Variants in FGF11 observed in about 807,000 individuals in gnomAD.
The protein encoded by FGF11 is fibroblast growth factor homologous factor 3.
In FGF11, 25 loss-of-function variants were observed where a neutral mutation model predicts 25.1. The ratio of observed to expected loss-of-function variants is 1.00; its 90% confidence interval spans 0.73 to 1.39. The LOEUF is 1.39. Among genes scored for constraint, FGF11 ranks in the 40% most tolerant of loss-of-function variants. FGF11 has a pLI of 0.00. For missense variants in FGF11, 320 were observed against 311.0 expected, an observed-to-expected ratio of 1.03 and a Z score of -0.22; for synonymous variants, 130 against 128.9, an observed-to-expected ratio of 1.01 and a Z score of -0.06.
rs1908506191 is a variant in FGF11, at chr17:7,444,674, G to A, written c.*1528G>A. ...GCTAGGGGCAGCCTGGAAAAGATGG[G>A]GAACCTGCTAGTGAACTAGGAGGGA... is the stretch of plus-strand genomic sequence containing the variant. On this transcript the variant is annotated 3_prime_UTR_variant, in exon 5 of 5. Coordinates refer to ENST00000293829, the MANE Select transcript of FGF11 (RefSeq NM_004112.4). The A allele has an allele frequency of 1.1e-5, 2 of 190,214 alleles. No homozygotes were observed. The highest frequency in any genetic ancestry group is 1.1e-4 in the Admixed American group (2 of 18,660). The allele number at this position is 190,214 out of a possible 1,614,324, so 11.8% of individuals were successfully genotyped here.
At chr17:7,442,883 A>T (rs1908399108) in intron 4 of FGF11, 91 bp downstream of exon 4, 1 of 1,386,182 alleles carries the variant, frequency 7.2e-7, no homozygotes, top group East Asian at 2.3e-5. Context: ...GCTACAAGTG[A>T]TAAGAGGACC....
At chr17:7,442,954 G>C in intron 4 of FGF11, 122 bp from the exon 5 acceptor site, 1 of 1,144,720 alleles carries the variant, frequency 8.7e-7, no homozygotes. Flanking sequence ...CGGTCCTCCT[G>C]TGGGGTTGGG....
intron 2 of FGF11, 37 bp from the exon 3 acceptor site, chr17:7,441,739 A>C: frequency 6.4e-7 from 1 of 1,570,122 alleles, no homozygotes; most frequent in Non-Finnish European, 8.7e-7. Flanking sequence ...TGAGGGTCAG[A>C]GGCCTGGGTA....
At chr17:7,439,051 C>T (rs1419440333), upstream of FGF11, 1 of 151,902 alleles carries the variant, frequency 6.6e-6, no homozygotes, top group Non-Finnish European at 1.5e-5. Context: ...GGGGGGATTT[C>T]AGTGAAAAAA....
Position 7,444,879 on chromosome 17 carries a change from C to G in FGF11, c.*1733C>G. ...TCTCCACCCAACTCCTGGCACTGCT[C>G]CCAGGGGATCGGGTCTCCACTCCAG... On this transcript the variant is annotated 3_prime_UTR_variant, in exon 5 of 5. Transcript: ENST00000293829. The G allele has an allele frequency of 1.7e-6, 1 of 591,020 alleles. No homozygotes were observed. Among genetic ancestry groups the G allele is most frequent in the East Asian group, 2.8e-5 (1 of 35,522 alleles). 36.6% of individuals were successfully genotyped at this position (591,020 alleles called of 1,614,324 possible). A position where few individuals can be genotyped will look rare whatever the true frequency, so the allele number is the denominator to read the frequency against.
rs1051308928 is a variant in FGF11 at position 7,444,867 on chromosome 17, C to G, written c.*1721C>G. 5 of 581,784 alleles carry G rather than the reference C, an allele frequency of 8.6e-6. No individual in the cohort carries two copies. The highest frequency in any genetic ancestry group is 1.5e-5 in the Non-Finnish European group (5 of 324,744). The allele number at this position is 581,784 out of a possible 1,614,324, so 36.0% of individuals were successfully genotyped here. A position where few individuals can be genotyped will look rare whatever the true frequency, so the allele number is the denominator to read the frequency against. On this transcript the variant is annotated 3_prime_UTR_variant, in exon 5 of 5. Transcript: ENST00000293829. ...AACCCCACTCAGTCTCCACCCAACT[C>G]CTGGCACTGCTCCCAGGGGATCGGG...
intron 1 of FGF11, 125 bp from the exon 2 acceptor site, chr17:7,441,346 G>C (rs1018557681): frequency 1.5e-6 from 2 of 1,341,796 alleles, no homozygotes; most frequent in African/African-American, 2.9e-5. Context: ...GAGGATAAGA[G>C]AGCTGGGGCC....
At chr17:7,439,908 C>T (rs1908236777) in intron 1 of FGF11, 95 bp downstream of exon 1, 2 of 1,114,294 alleles carry the variant, frequency 1.8e-6, no homozygotes, top group Non-Finnish European at 2.4e-6. Context: ...GGCTGAGGGG[C>T]TCCCCGAAAG....
intron 1 of FGF11, chr17:7,441,026 A>C (rs763384881): frequency 1.3e-4 from 113 of 888,054 alleles, no homozygotes; most frequent in Non-Finnish European, 1.5e-4. Context: ...CGTCAGGCCC[A>C]GTCCCACCCC....
At position 7,444,798 on chromosome 17, in the gene FGF11, T is replaced by C; in HGVS notation, c.*1652T>C. On this transcript the variant is annotated 3_prime_UTR_variant, in exon 5 of 5. Transcript: ENST00000293829. ...GTCACTTTTCCTTAGGCTGTTCTAC[T>C]TCTGGCTTGTTGCAAGAGGAGTAGA... 1 of 472,844 alleles carries C rather than the reference T, an allele frequency of 2.1e-6. No individual in the cohort carries two copies. The highest frequency in any genetic ancestry group is 3.9e-6 in the Non-Finnish European group (1 of 259,114). 29.3% of individuals were successfully genotyped at this position (472,844 alleles called of 1,614,324 possible). A position where few individuals can be genotyped will look rare whatever the true frequency, so the allele number is the denominator to read the frequency against.
At chr17:7,438,993 C>G (rs142630917), upstream of FGF11, 1 of 151,896 alleles carries the variant, frequency 6.6e-6, no homozygotes, top group Non-Finnish European at 1.5e-5. Context: ...GGTCTGGGAG[C>G]CCTGTCTTAC....
Sources: allele counts gnomAD v4.1 joint callset, GRCh38; gene constraint gnomAD v4.1.1; transcripts MANE v1.5; gene names NCBI Gene and HGNC (gene_info 2026-07-23, HGNC 2026-07-21).